The following PPM1E variants were observed in gnomAD, a reference collection of about 807,000 sequenced individuals.
PPM1E encodes protein phosphatase, Mg2+/Mn2+ dependent 1E.
In PPM1E, 20 loss-of-function variants were observed where a neutral mutation model predicts 65.9. The ratio of observed to expected loss-of-function variants is 0.30; its 90% CI spans 0.21 to 0.44. The LOEUF is 0.44. Ranked by LOEUF, PPM1E falls within the 20% of genes least tolerant of loss-of-function variation. The pLI, the probability that PPM1E is intolerant of heterozygous loss-of-function variation, is 1.00. For missense variants in PPM1E, 713 were observed against 953.1 expected (o/e 0.75, Z 3.32); for synonymous variants, 352 against 374.9 (o/e 0.94, Z 0.70).
chr17:58,955,542 A>G, intron 1 of PPM1E, 107 bp from the exon 2 acceptor site: 1 of 1,234,690 alleles, frequency 8.1e-7, no homozygotes, highest in South Asian at 1.3e-5. Flanking sequence ...TAAAGGTATA[A>G]TTTTGTTTTG....
intron 1 of PPM1E, among the ~76,000 whole-genome samples, chr17:58,807,656 T>C (rs1184660738): frequency 6.6e-6 from 1 of 152,102 alleles, no homozygotes; most frequent in Non-Finnish European, 1.5e-5. Context: ...GAGAAGATAC[T>C]TATAACACAA....
intron 1 of PPM1E, among the ~76,000 whole-genome samples, chr17:58,934,940 A>G (rs1454969040): frequency 6.6e-6 from 1 of 150,884 alleles, no homozygotes; most frequent in Non-Finnish European, 1.5e-5. Flanking sequence ...AAAAAAAAGA[A>G]AATAAAATAA....
chr17:58,908,989 ATG>A (rs1567871968), intron 1 of PPM1E, among the ~76,000 whole-genome samples: 1 of 152,174 alleles, frequency 6.6e-6, no homozygotes, highest in African/African-American at 2.4e-5. Flanking sequence ...GCATAATCAA[ATG>A]TATTGTTGCC....
chr17:58,809,003 A>T (rs1415878641), intron 1 of PPM1E, among the ~76,000 whole-genome samples: 1 of 152,050 alleles, frequency 6.6e-6, no homozygotes, highest in Admixed American at 6.5e-5. Flanking sequence ...CATTTCTTCT[A>T]TAAGTATGTC....
chr17:58,836,923 G>C (rs1380527605), intron 1 of PPM1E, among the ~76,000 whole-genome samples: 1 of 149,714 alleles, frequency 6.7e-6, no homozygotes, highest in Non-Finnish European at 1.5e-5. Context: ...GGGAGGCTGA[G>C]GCAGGAGAAT....
chr17:58,803,734 T>C (rs2050279906), intron 1 of PPM1E, among the ~76,000 whole-genome samples: 1 of 152,196 alleles, frequency 6.6e-6, no homozygotes, highest in African/African-American at 2.4e-5. Context: ...GACAAAAGTA[T>C]ACCAAAAAGT....
In PPM1E at chr17:58,862,852, C is replaced by G. The variant is rs866598174; in HGVS notation, c.465-92797C>G. Among the ~76,000 whole-genome samples, 6 of 152,234 alleles carry G rather than the reference C, an allele frequency of 3.9e-5. No homozygotes were observed. The South Asian group carries it at 1.0e-3, about 26-fold the overall frequency. ...TCGATCATTTGGTCCCTACCATAGCCCAGTCTTGGAGGAGTATGTTTTCCC... is the reference window on the plus strand; with the variant it reads ...TCGATCATTTGGTCCCTACCATAGCGCAGTCTTGGAGGAGTATGTTTTCCC... On this transcript the variant is annotated intron_variant, in intron 1 of 6. Transcript: ENST00000308249.
intron 1 of PPM1E, among the ~76,000 whole-genome samples, chr17:58,826,483 A>G (rs1394312280): frequency 6.6e-6 from 1 of 152,200 alleles, no homozygotes; most frequent in Non-Finnish European, 1.5e-5. Context: ...AAGATAAACT[A>G]TATTGAAGCA....
At chr17:58,822,244 G>A (rs2050487515) in intron 1 of PPM1E, among the ~76,000 whole-genome samples, 1 of 152,162 alleles carries the variant, frequency 6.6e-6, no homozygotes, top group East Asian at 1.9e-4. Context: ...AAGTACATAT[G>A]CAACTAGGAG....
At chr17:58,854,140 C>A (rs1014407952) in intron 1 of PPM1E, among the ~76,000 whole-genome samples, 1 of 151,864 alleles carries the variant, frequency 6.6e-6, no homozygotes, top group Non-Finnish European at 1.5e-5. Flanking sequence ...TGGTTCATAC[C>A]TAAGTATTTT....
intron 4 of PPM1E, among the ~76,000 whole-genome samples, chr17:58,970,270 A>G (rs558016443): frequency 6.6e-6 from 1 of 152,316 alleles, no homozygotes; most frequent in East Asian, 1.9e-4. Context: ...CTCATGTCCT[A>G]CATTGCGAAG....
rs9909464 is a variant in PPM1E at position 58,888,205 on chromosome 17, A to G, written c.465-67444A>G. 9.3e-4 allele frequency among the ~76,000 whole-genome samples: 142 copies of G among 152,284 alleles called. 1 individual carries two copies. The highest frequency in any genetic ancestry group is 3.3e-3 in the African/African-American group (139 of 41,562). On this transcript the variant is annotated intron_variant, in intron 1 of 6. Transcript: ENST00000308249. The stretch of plus-strand genomic sequence containing the variant: ...AGTTCAGAAGAGAGGTATGACTGGA[A>G]GATACAAATTTAAGCATTGGCTGTA...
chr17:58,955,785 T>C lies in PPM1E; in HGVS notation c.583+18T>C, dbSNP rs2029871074. The C allele has an allele frequency of 6.4e-7, 1 of 1,565,530 alleles. No individual in the cohort carries two copies. The highest frequency in any genetic ancestry group is 8.6e-7 in the Non-Finnish European group (1 of 1,164,310). ...GACTGTGGGTGAGTACCTTTCTACA[T>C]TATTTGTTTAAAAATACTAGAATCT... On this transcript the variant is annotated intron_variant, in intron 2 of 6. Coordinates refer to ENST00000308249, the MANE Select transcript of PPM1E (RefSeq NM_014906.5).
intron 1 of PPM1E, among the ~76,000 whole-genome samples, chr17:58,876,940 C>G (rs1163801960): frequency 6.7e-6 from 1 of 149,344 alleles, no homozygotes; most frequent in Non-Finnish European, 1.5e-5. Flanking sequence ...CCCGCCACCA[C>G]GCCCAGCTAA....
At chr17:58,860,665 C>T (rs372268338) in intron 1 of PPM1E, among the ~76,000 whole-genome samples, 7 of 152,304 alleles carry the variant, frequency 4.6e-5, no homozygotes, top group Admixed American at 2.0e-4. Flanking sequence ...CGCTTTAGGC[C>T]GGGTGCGCTG....
chr17:58,810,805 G>A (rs374000956), intron 1 of PPM1E, among the ~76,000 whole-genome samples: 9 of 151,906 alleles, frequency 5.9e-5, no homozygotes, highest in Middle Eastern at 3.2e-3. Flanking sequence ...TTTTTCTGTC[G>A]TAGTTATTCT....
intron 1 of PPM1E, among the ~76,000 whole-genome samples, chr17:58,837,982 A>G (rs2050680262): frequency 6.6e-6 from 1 of 152,232 alleles, no homozygotes; most frequent in Non-Finnish European, 1.5e-5. Context: ...AAATCTTTGA[A>G]GCCTTTCAAT....
At chr17:58,897,210 C>G (rs904732556) in intron 1 of PPM1E, among the ~76,000 whole-genome samples, 2 of 151,778 alleles carry the variant, frequency 1.3e-5, no homozygotes, top group Non-Finnish European at 1.5e-5. Context: ...GTCAGGAGAT[C>G]GAGACCATCC....
rs2050403322 is a variant in PPM1E, at chr17:58,815,138, C to CTTTAATTAAGTTTAATAA, written c.464+58677_464+58678insTTTAATTAAGTTTAATAA. On this transcript the variant is annotated intron_variant, in intron 1 of 6. Coordinates refer to ENST00000308249, the MANE Select transcript of PPM1E (RefSeq NM_014906.5). Reference sequence around the variant, plus strand: ...TAGGGAAATAAAAACTATCTTTTACCAGATTAACTTTAATTAGGTGTATGA... The same window carrying CTTTAATTAAGTTTAATAA: ...TAGGGAAATAAAAACTATCTTTTACCTTTAATTAAGTTTAATAAAGATTAACTTTAATTAGGTGTATGA... Among the ~76,000 whole-genome samples, 5 of 152,054 alleles carry CTTTAATTAAGTTTAATAA rather than the reference C, an allele frequency of 3.3e-5. No individual in the cohort carries two copies. The South Asian group carries it at 1.0e-3, about 32-fold the overall frequency.
Sources: gnomAD v4.1 joint callset for allele counts (sites outside exome capture counted in the v4.1 genomes callset) on GRCh38, gnomAD v4.1.1 for gene constraint, MANE v1.5 for transcripts, NCBI Gene and HGNC (gene_info 2026-07-23, HGNC 2026-07-21) for gene names.